COG2: variants seen among roughly 807,000 people sequenced by gnomAD.
COG2 encodes the protein conserved oligomeric Golgi complex subunit 2.
Under a neutral mutation model 90.6 loss-of-function variants are expected in COG2, and 52 were observed. The observed-to-expected ratio is 0.57, with a 90% CI of 0.46 to 0.72. COG2 has a LOEUF of 0.72. Among genes scored for constraint, COG2 ranks in the 30% least tolerant of loss-of-function variants. COG2 has a pLI of 0.00. For missense variants in COG2, 829 were observed against 891.2 expected, an observed-to-expected ratio of 0.93 and a Z score of 0.89; for synonymous variants, 337 against 320.4, an observed-to-expected ratio of 1.05 and a Z score of -0.55.
intron 5 of COG2, 129 bp downstream of exon 5, chr1:230,664,716 T>C (rs1271156903): frequency 7.7e-6 from 4 of 519,280 alleles, no homozygotes; most frequent in Non-Finnish European, 1.3e-5. Flanking sequence ...TAAATGTAGC[T>C]CAAGCAAAGC....
At chr1:230,686,167 G>A (rs539411726) in intron 12 of COG2, among the ~76,000 whole-genome samples, 23 of 152,290 alleles carry the variant, frequency 1.5e-4, no homozygotes, top group East Asian at 5.8e-4. Flanking sequence ...TGTGGCTGTT[G>A]TGAGGATTTA....
intron 10 of COG2, 141 bp downstream of exon 10, chr1:230,679,193 AAG>A (rs1662672685): frequency 1.3e-6 from 1 of 766,144 alleles, no homozygotes; most frequent in African/African-American, 1.7e-5. Context: ...AAAGTGGAGA[AAG>A]AGATATAAGA....
In COG2 at chr1:230,675,113, G is replaced by C. The variant is rs767969104; in HGVS notation, c.1015G>C (p.Ala339Pro). ...GCTTTTTAATCCTGGGAATCCCGAT[G>C]CATTTCATGAGGTATCTCCCCGCCC... ...PSLFNPGNPDAFHEKYTISMD... is the reference protein window; with the variant it reads ...PSLFNPGNPDPFHEKYTISMD... The change falls in exon 9 of 18, where the codon GCA becomes CCA. Residue 339 changes from alanine to proline, a missense_variant. Coordinates refer to ENST00000366669, the MANE Select transcript of COG2 (RefSeq NM_007357.3). 1.6e-5 allele frequency: 26 copies of C among 1,611,320 alleles called. No individual in the cohort carries two copies. In the African/African-American group the frequency reaches 3.2e-4, roughly 20 times the overall value.
Position 230,665,013 on chromosome 1 carries a change from T to C in COG2, c.485+426T>C, listed in dbSNP as rs139012479. ...AGAAATAGTACAGGACATATTTCAC[T>C]GAAATTTATAAACAGCAAAGAAAAA... On this transcript the variant is annotated intron_variant, in intron 5 of 17. Transcript: ENST00000366669. Among the ~76,000 whole-genome samples the C allele has an allele frequency of 3.9e-3, 600 of 152,320 alleles. 6 individuals carry two copies. The highest frequency in any genetic ancestry group is 0.013 in the African/African-American group (536 of 41,572).
In COG2 at chr1:230,693,328, A is replaced by G; in HGVS notation, c.2152A>G (p.Ser718Gly). 4 of 1,613,946 alleles carry G rather than the reference A, an allele frequency of 2.5e-6. No individual in the cohort carries two copies. Among genetic ancestry groups the G allele is most frequent in the Non-Finnish European group, 3.4e-6 (4 of 1,179,860 alleles). ...KLGLQASDIK[S>G]FSALAELVAA... ...GGGACTACAAGCAAGTGACATAAAA[A>G]GCTTCTCAGCTCTCGCAGAGCTTGT... Residue 718 changes from serine (S) to glycine (G), a missense_variant, in exon 18 of 18, where the codon AGC (serine) becomes GGC (glycine). By Grantham distance (56) the Ser-to-Gly change is moderately conservative (BLOSUM62 0). Coordinates refer to ENST00000366669, the MANE Select transcript of COG2 (RefSeq NM_007357.3).
At chr1:230,658,606 A>G (rs1389987108) in intron 1 of COG2, among the ~76,000 whole-genome samples, 1 of 152,170 alleles carries the variant, frequency 6.6e-6, no homozygotes, top group African/African-American at 2.4e-5. Context: ...TGCTCTCTCT[A>G]GAGCCATCAA....
intron 1 of COG2, among the ~76,000 whole-genome samples, chr1:230,649,918 T>G (rs1190863649): frequency 1.3e-5 from 2 of 152,182 alleles, no homozygotes; most frequent in South Asian, 2.1e-4. Context: ...AATTCCATCT[T>G]TATGTCCACA....
At chr1:230,651,046 A>G (rs1661903188) in intron 1 of COG2, among the ~76,000 whole-genome samples, 1 of 152,126 alleles carries the variant, frequency 6.6e-6, no homozygotes, top group Non-Finnish European at 1.5e-5. Context: ...TTCCACCTAT[A>G]GTTTATTTAG....
At chr1:230,682,375 G>A (rs182574445) in intron 10 of COG2, 1 of 152,186 alleles carries the variant, frequency 6.6e-6, no homozygotes, top group South Asian at 2.1e-4. Context: ...GCTGTTCCTG[G>A]GCTAGTTTCC....
In COG2 at chr1:230,690,032, TCC is replaced by T; in HGVS notation, c.1814_1815del (p.Ser605PhefsTer20). On this transcript the variant is annotated frameshift_variant, in exon 16 of 18. Transcript: ENST00000366669. LOFTEE classifies it high-confidence loss of function. ...ATTCCAGGAGGTCCCAACCACAGCT[TCC>T]TCCTATGTGGACAGTGCTCTGAAGC... ...RTNKEVPTTASSYVDSALKPL... is the reference protein window; with the variant it reads ...RTNKEVPTTAXSYVDSALKPL... 6.2e-7 allele frequency: 1 copy of T among 1,600,340 alleles called. No homozygotes were observed. The highest frequency in any genetic ancestry group is 8.5e-7 in the Non-Finnish European group (1 of 1,174,434).
At chr1:230,643,340 G>A (rs1446956094) in intron 1 of COG2, among the ~76,000 whole-genome samples, 1 of 152,224 alleles carries the variant, frequency 6.6e-6, no homozygotes, top group Non-Finnish European at 1.5e-5. Flanking sequence ...ATCAGGCACA[G>A]CCTTGAAAAT....
chr1:230,654,882 A>G (rs1662012109), intron 1 of COG2, among the ~76,000 whole-genome samples: 5 of 152,130 alleles, frequency 3.3e-5, no homozygotes, highest in Non-Finnish European at 7.3e-5. Flanking sequence ...TTCACTCATG[A>G]TTTGGCTCTC....
intron 1 of COG2, among the ~76,000 whole-genome samples, chr1:230,653,235 T>TGG (rs1319955341): frequency 7.5e-4 from 111 of 148,264 alleles, no homozygotes; most frequent in African/African-American, 2.5e-3. Flanking sequence ...TTTTTTTTTT[T>TGG]GGGGAGACAG....
In COG2 at chr1:230,693,982, A is replaced by G. The variant is rs3215852; in HGVS notation, c.*589A>G. 8.5e-6 allele frequency: 1 copy of G among 117,522 alleles called. No individual in the cohort carries two copies. The highest frequency in any genetic ancestry group is 1.7e-5 in the Non-Finnish European group (1 of 58,922). The allele number at this position is 117,522 out of a possible 1,614,324, so 7.3% of individuals were successfully genotyped here. ...TTCCTAAATAAAAGAAGTGTCTCCC[A>G]TGAGTGTGTGCTCGTTTTCTTTGGG... On this transcript the variant is annotated 3_prime_UTR_variant, in exon 18 of 18. Transcript: ENST00000366669.
chr1:230,685,378 C>T, intron 12 of COG2, 142 bp downstream of exon 12: 2 of 774,504 alleles, frequency 2.6e-6, no homozygotes, highest in South Asian at 1.9e-5. Context: ...AAGATTGTCT[C>T]CAGCTCTGTG....
rs368077748 is a variant in COG2, at chr1:230,690,156, A to G, written c.1934+3A>G. 197 of 1,610,822 alleles carry G rather than the reference A, an allele frequency of 1.2e-4. No individual in the cohort carries two copies. Among genetic ancestry groups the G allele is most frequent in the Non-Finnish European group, 1.6e-4 (193 of 1,178,818 alleles). ...ACTCTCAGTGAAAGCACTCATAAGTAAGTAAATTAAAAGCAGACCTTGTGG... is the reference window on the plus strand; with the variant it reads ...ACTCTCAGTGAAAGCACTCATAAGTGAGTAAATTAAAAGCAGACCTTGTGG... On this transcript the variant is annotated splice_donor_region_variant and intron_variant, in intron 16 of 17. Coordinates refer to ENST00000366669, the MANE Select transcript of COG2 (RefSeq NM_007357.3).
rs1661662315 is a variant in COG2, at chr1:230,642,920, T to C, written c.72+242T>C. ...GAAAGGCCTGAAAGTTCTGGGCAAGTGGTTTTGAGCTGCATGTCAAAGCCA... is the reference window on the plus strand; with the variant it reads ...GAAAGGCCTGAAAGTTCTGGGCAAGCGGTTTTGAGCTGCATGTCAAAGCCA... On this transcript the variant is annotated intron_variant, in intron 1 of 17. Coordinates refer to ENST00000366669, the MANE Select transcript of COG2 (RefSeq NM_007357.3). 1.1e-5 allele frequency: 6 copies of C among 526,626 alleles called. No homozygotes were observed. The South Asian group carries it at 1.5e-4, about 13-fold the overall frequency. The allele number at this position is 526,626 out of a possible 1,614,324, so 32.6% of individuals were successfully genotyped here.
intron 9 of COG2, 118 bp downstream of exon 9, chr1:230,675,242 G>A (rs2102762841): frequency 1.7e-6 from 2 of 1,194,830 alleles, no homozygotes; most frequent in Admixed American, 3.0e-5. Context: ...AATTTGAGTT[G>A]CTAAGTGAAC....
chr1:230,664,353 T>G (rs1662262504), intron 4 of COG2, 131 bp from the exon 5 acceptor site: 1 of 417,436 alleles, frequency 2.4e-6, no homozygotes, highest in South Asian at 9.8e-5. Flanking sequence ...GTAGAAATAC[T>G]AAAAATATAG....
Sources: allele counts gnomAD v4.1 joint callset (sites outside exome capture counted in the v4.1 genomes callset), GRCh38; gene constraint gnomAD v4.1.1; transcripts MANE v1.5; gene names NCBI Gene and HGNC (gene_info 2026-07-23, HGNC 2026-07-21).